The following CFAP70 variants were observed in gnomAD, a reference collection of about 807,000 sequenced individuals.
CFAP70 encodes cilia and flagella associated protein 70.
CFAP70 carries 81 observed loss-of-function variants against 137.6 expected under a neutral mutation model. The observed-to-expected ratio is 0.59, with a 90% CI of 0.49 to 0.71. CFAP70 has a LOEUF of 0.71. CFAP70 is among the 30% of genes least tolerant of loss of function. CFAP70 has a pLI of 0.00. For synonymous variants in CFAP70, 382 were observed against 423.6 expected, an observed-to-expected ratio of 0.90 and a Z score of 1.20; for missense variants, 976 against 1,226.7, an observed-to-expected ratio of 0.80 and a Z score of 3.05.
chr10:73,342,209 A>G (rs2053311480), intron 5 of CFAP70, among the ~76,000 whole-genome samples: 1 of 152,180 alleles, frequency 6.6e-6, no homozygotes, highest in African/African-American at 2.4e-5. Flanking sequence ...AAAACATGCT[A>G]TGTTTCATTA....
upstream of CFAP70, chr10:73,358,842 G>A (rs1336331667): frequency 1.3e-5 from 2 of 152,264 alleles, no homozygotes; most frequent in Non-Finnish European, 2.9e-5. Flanking sequence ...CCGGGAGCAG[G>A]GAGCGAGACG....
chr10:73,339,225 C>A (rs1428430029), intron 6 of CFAP70, among the ~76,000 whole-genome samples: 1 of 151,898 alleles, frequency 6.6e-6, no homozygotes, highest in Non-Finnish European at 1.5e-5. Context: ...GCCGAGATGA[C>A]TACACTGATT....
chr10:73,345,835 G>T (rs929206013), intron 4 of CFAP70, among the ~76,000 whole-genome samples: 1 of 151,998 alleles, frequency 6.6e-6, no homozygotes, highest in Non-Finnish European at 1.5e-5. Flanking sequence ...AGTTGCACAT[G>T]AGTAAGTGAG....
intron 11 of CFAP70, 92 bp downstream of exon 12, chr10:73,311,742 C>T: frequency 2.0e-6 from 2 of 1,019,892 alleles, no homozygotes; most frequent in East Asian, 2.4e-5. Flanking sequence ...TGATAACTAA[C>T]ATCCTGCCTG....
intron 19 of CFAP70, among the ~76,000 whole-genome samples, chr10:73,286,158 TC>T (rs2047688998): frequency 6.6e-6 from 1 of 152,068 alleles, no homozygotes; most frequent in South Asian, 2.1e-4. Context: ...CATCTTCAAA[TC>T]CTTGGCCTGG....
chr10:73,285,966 G>C (rs7922700), intron 19 of CFAP70, among the ~76,000 whole-genome samples: 16,037 of 152,002 alleles, frequency 0.11, 1,222 homozygotes, highest in East Asian at 0.3. Context: ...GGGTATATGA[G>C]TTTCAAGGGT....
At chr10:73,271,258 TC>T (rs1469240864) in intron 24 of CFAP70, among the ~76,000 whole-genome samples, 1 of 152,170 alleles carries the variant, frequency 6.6e-6, no homozygotes, top group Admixed American at 6.5e-5. Context: ...ACGCCTGTAA[TC>T]CCAGCACTTT....
intron 24 of CFAP70, among the ~76,000 whole-genome samples, chr10:73,270,985 T>C (rs1032847115): frequency 3.3e-5 from 5 of 152,164 alleles, no homozygotes; most frequent in African/African-American, 1.2e-4. Flanking sequence ...GCCAAGGATT[T>C]GCTCTGTGTC....
At chr10:73,333,134 T>A (rs986021969) in intron 7 of CFAP70, among the ~76,000 whole-genome samples, 1 of 152,090 alleles carries the variant, frequency 6.6e-6, no homozygotes, top group African/African-American at 2.4e-5. Flanking sequence ...AATAATTCAT[T>A]TGATGGGCTT....
chr10:73,270,889 G>A (rs1589287294), intron 24 of CFAP70, among the ~76,000 whole-genome samples: 1 of 152,040 alleles, frequency 6.6e-6, no homozygotes, highest in Non-Finnish European at 1.5e-5. Flanking sequence ...CCAAAGACAA[G>A]AGATGGCCTT....
At chr10:73,274,813 A>G in intron 22 of CFAP70, 1 of 518,956 alleles carries the variant, frequency 1.9e-6, no homozygotes, top group Non-Finnish European at 3.3e-6. Flanking sequence ...TCTTTCTTGC[A>G]TTCTTCAAAG....
upstream of CFAP70, among the ~76,000 whole-genome samples, chr10:73,360,131 G>A (rs550056859): frequency 1.3e-4 from 20 of 152,106 alleles, no homozygotes; most frequent in Non-Finnish European, 2.5e-4. Flanking sequence ...ATACCACCCC[G>A]AACATGCCCA....
At chr10:73,348,111 C>A in intron 4 of CFAP70, 45 bp downstream of exon 5, 1 of 1,556,052 alleles carries the variant, frequency 6.4e-7, no homozygotes, top group South Asian at 1.1e-5. Flanking sequence ...AGAATTGTTA[C>A]ATTGAATGGC....
chr10:73,294,623 G>C (rs941663999), intron 15 of CFAP70: 1 of 152,146 alleles, frequency 6.6e-6, no homozygotes, highest in Non-Finnish European at 1.5e-5. Flanking sequence ...ATTTGTCTTT[G>C]CTTAGCAGCA....
chr10:73,270,547 C>G (rs1222638745), intron 24 of CFAP70, among the ~76,000 whole-genome samples: 2 of 120,522 alleles, frequency 1.7e-5, no homozygotes, highest in Non-Finnish European at 3.5e-5. Context: ...CTCCCCTTCC[C>G]TTCTCTTCGA....
intron 26 of CFAP70, among the ~76,000 whole-genome samples, chr10:73,254,985 AG>A (rs2044325160): frequency 6.6e-6 from 1 of 152,236 alleles, no homozygotes; most frequent in Non-Finnish European, 1.5e-5. Flanking sequence ...AGAACAGGCC[AG>A]GCATGTTGGC....
At chr10:73,337,059 G>A (rs1036036827) in intron 6 of CFAP70, among the ~76,000 whole-genome samples, 7 of 152,152 alleles carry the variant, frequency 4.6e-5, no homozygotes, top group African/African-American at 1.7e-4. Flanking sequence ...AACAAAGCAA[G>A]TTGCATATAG....
chr10:73,255,319 C>T lies in CFAP70; in HGVS notation c.3075+1050G>A, dbSNP rs192486000. ...GCTGAAGCGGAGAATGGCCTGAACCCGGGAGGCGGAGCTTGCAGTGAGTGG... is the reference window on the plus strand; with the variant it reads ...GCTGAAGCGGAGAATGGCCTGAACCTGGGAGGCGGAGCTTGCAGTGAGTGG... On this transcript the variant is annotated intron_variant, in intron 26 of 26. Transcript: ENST00000310715. Among the ~76,000 whole-genome samples the T allele has an allele frequency of 6.6e-5, 10 of 152,142 alleles. No homozygotes were observed. The East Asian group carries it at 1.7e-3, about 27-fold the overall frequency.
intron 15 of CFAP70, chr10:73,295,821 G>C (rs1185516643): frequency 6.6e-6 from 1 of 152,018 alleles, no homozygotes; most frequent in Non-Finnish European, 1.5e-5. Flanking sequence ...TTCTCAGGCA[G>C]TTCATCTATG....
Sources: gnomAD v4.1 joint callset for allele counts (sites outside exome capture counted in the v4.1 genomes callset) on GRCh38, gnomAD v4.1.1 for gene constraint, MANE v1.5 for transcripts, NCBI Gene and HGNC (gene_info 2026-07-23, HGNC 2026-07-21) for gene names.